The following CBFB variants were observed in gnomAD, a reference collection of about 807,000 sequenced individuals.
CBFB encodes the protein CBF-beta.
In CBFB, 9 loss-of-function variants were observed where a neutral mutation model predicts 30.4. That is an observed-to-expected ratio of 0.30 (90% CI 0.18 to 0.52). The LOEUF is 0.52. Ranked by LOEUF, CBFB falls within the 20% of genes least tolerant of loss-of-function variation. The pLI is 0.97. For missense variants in CBFB, 170 were observed against 244.0 expected (o/e 0.70, Z 2.02); for synonymous variants, 94 against 84.0 (o/e 1.12, Z -0.65).
At chr16:67,075,226 TGTG>T (rs1961359174) in intron 4 of CBFB, among the ~76,000 whole-genome samples, 1 of 149,530 alleles carries the variant, frequency 6.7e-6, no homozygotes, top group South Asian at 2.1e-4. Flanking sequence ...TGTGTGTGTG[TGTG>T]TGTGTAAAGA....
chr16:67,089,741 T>C (rs989193565), intron 5 of CBFB, among the ~76,000 whole-genome samples: 1 of 152,164 alleles, frequency 6.6e-6, no homozygotes, highest in Non-Finnish European at 1.5e-5. Context: ...CTGGATGTAG[T>C]GGAATGAGCA....
chr16:67,086,444 T>C (rs113274619), intron 5 of CBFB, among the ~76,000 whole-genome samples: 1 of 152,358 alleles, frequency 6.6e-6, no homozygotes, highest in African/African-American at 2.4e-5. Context: ...GAAACAATTA[T>C]AAACATTTGT....
At chr16:67,095,561 C>T (rs1962023184) in intron 5 of CBFB, among the ~76,000 whole-genome samples, 2 of 152,082 alleles carry the variant, frequency 1.3e-5, no homozygotes, top group African/African-American at 2.4e-5. Context: ...CATAGGAAAA[C>T]TGTTGCTACT....
intron 5 of CBFB, among the ~76,000 whole-genome samples, chr16:67,088,344 C>T (rs1335407806): frequency 6.6e-6 from 1 of 152,148 alleles, no homozygotes; most frequent in Non-Finnish European, 1.5e-5. Context: ...GTTGTTTCCC[C>T]TCTGTGATTC....
rs920619801 is a variant in CBFB, at chr16:67,029,868, G to A, written c.165+55G>A. 4.4e-5 allele frequency: 57 copies of A among 1,303,944 alleles called. No homozygotes were observed. The African/African-American group carries it at 5.7e-4, about 13-fold the overall frequency. The allele number at this position is 1,303,944 out of a possible 1,614,324, so 80.8% of individuals were successfully genotyped here. On this transcript the variant is annotated intron_variant, in intron 2 of 5. Transcript: ENST00000412916. Reference sequence around the variant, plus strand: ...GTCACTTGTTGCGCGGGGCCGCGGCGGCCCAGGCCGGTTCCGGACGGCGGC... The same window carrying A: ...GTCACTTGTTGCGCGGGGCCGCGGCAGCCCAGGCCGGTTCCGGACGGCGGC...
At chr16:67,074,173 C>A (rs1249722848) in intron 4 of CBFB, among the ~76,000 whole-genome samples, 1 of 142,608 alleles carries the variant, frequency 7.0e-6, no homozygotes, top group Non-Finnish European at 1.5e-5. Flanking sequence ...GTCAGTACAC[C>A]ATCAGTTACA....
At chr16:67,052,487 G>A (rs115155781) in intron 3 of CBFB, among the ~76,000 whole-genome samples, 7,333 of 151,918 alleles carry the variant, frequency 0.048, 518 homozygotes, top group African/African-American at 0.15. Flanking sequence ...GAAGTGGGAG[G>A]TTTGCTTGAG....
In CBFB at chr16:67,092,698, CTTTTTTTTTTTTTTTTTTT is replaced by C. The variant is rs777213321; in HGVS notation, c.496-5998_496-5980del. 7.5e-4 allele frequency among the ~76,000 whole-genome samples: 25 copies of C among 33,532 alleles called. 1 individual carries two copies. The highest frequency in any genetic ancestry group is 3.7e-3 in the East Asian group (3 of 818). The allele number at this position is 33,532 out of a possible 152,430, so 22.0% of individuals were successfully genotyped here. Reference sequence around the variant, plus strand: ...CCAGGCTAGGTTACAGTGGTGCAATCTTTTTTTTTTTTTTTTTTTTTTTTTTTTTTTTGAGATAAAGTTT... The same window carrying C: ...CCAGGCTAGGTTACAGTGGTGCAATCTTTTTTTTTTTTTGAGATAAAGTTT... On this transcript the variant is annotated intron_variant, in intron 5 of 5. Transcript: ENST00000412916.
rs1010880095 is a variant in CBFB at position 67,100,026 on chromosome 16, G to T, written c.*1248G>T. 1 of 209,798 alleles carries T rather than the reference G, an allele frequency of 4.8e-6. No homozygotes were observed. The highest frequency in any genetic ancestry group is 1.9e-4 in the South Asian group (1 of 5,326). The allele number at this position is 209,798 out of a possible 1,614,324, so 13.0% of individuals were successfully genotyped here. ...ATAGAACCTTTTGAGATGAATTAAT[G>T]TAAGAATATTTTTTAAATAGGCTTA... On this transcript the variant is annotated 3_prime_UTR_variant, in exon 6 of 6. Coordinates refer to ENST00000412916, the MANE Select transcript of CBFB (RefSeq NM_022845.3).
chr16:67,084,805 A>G (rs1278348254), intron 5 of CBFB, among the ~76,000 whole-genome samples: 1 of 151,596 alleles, frequency 6.6e-6, no homozygotes, highest in Non-Finnish European at 1.5e-5. Context: ...ACAGTGGCTA[A>G]GAGCCCAGAC....
chr16:67,088,529 C>T (rs551386127), intron 5 of CBFB, among the ~76,000 whole-genome samples: 5 of 152,234 alleles, frequency 3.3e-5, no homozygotes, highest in African/African-American at 1.2e-4. Context: ...TACAGCTTAG[C>T]GCTGGGAAAT....
chr16:67,100,676 T>C lies in CBFB; in HGVS notation c.*1898T>C, dbSNP rs900372060. The stretch of plus-strand genomic sequence containing the variant: ...CATGATGATGGTACATTTTCCTCTA[T>C]TGTCTAGCTAAGGGCTTTCGGTCCA... On this transcript the variant is annotated 3_prime_UTR_variant, in exon 6 of 6. Transcript: ENST00000412916. The C allele has an allele frequency of 4.6e-6, 1 of 219,600 alleles. No homozygotes were observed. The highest frequency in any genetic ancestry group is 6.8e-5 in the East Asian group (1 of 14,802). 13.6% of individuals were successfully genotyped at this position (219,600 alleles called of 1,614,324 possible).
intron 5 of CBFB, among the ~76,000 whole-genome samples, chr16:67,086,846 T>C (rs1447836043): frequency 6.6e-6 from 1 of 152,154 alleles, no homozygotes; most frequent in Non-Finnish European, 1.5e-5. Context: ...CATTGCAGTG[T>C]ACTTTAGCAA....
chr16:67,075,235 AAAG>A (rs958547579), intron 4 of CBFB, among the ~76,000 whole-genome samples: 3 of 114,256 alleles, frequency 2.6e-5, no homozygotes, highest in African/African-American at 5.6e-5. Context: ...GTGTGTGTGT[AAAG>A]AACTCTTACA....
chr16:67,069,381 AAG>A lies in CBFB; in HGVS notation c.399+2585_399+2586del. The stretch of plus-strand genomic sequence containing the variant: ...CAAGACTTCATCTCAAAAAAAAAAA[AAG>A]AAATTCTGGAGTTGGAAAGTACAGT... On this transcript the variant is annotated intron_variant, in intron 4 of 5. Transcript: ENST00000412916. 2.0e-5 allele frequency among the ~76,000 whole-genome samples: 3 copies of A among 152,200 alleles called. No homozygotes were observed. The South Asian group carries it at 6.2e-4, about 32-fold the overall frequency.
At chr16:67,082,826 T>C (rs1298126887) in intron 5 of CBFB, among the ~76,000 whole-genome samples, 1 of 152,166 alleles carries the variant, frequency 6.6e-6, no homozygotes, top group East Asian at 1.9e-4. Flanking sequence ...CTTTCTATTG[T>C]AAAATACAGA....
At chr16:67,052,307 T>A (rs1960577719) in intron 3 of CBFB, among the ~76,000 whole-genome samples, 1 of 152,204 alleles carries the variant, frequency 6.6e-6, no homozygotes, top group Admixed American at 6.6e-5. Context: ...CAGTTACTCA[T>A]GCCTGTAATC....
At chr16:67,059,491 T>C (rs1015607518) in intron 3 of CBFB, among the ~76,000 whole-genome samples, 2 of 152,208 alleles carry the variant, frequency 1.3e-5, no homozygotes, top group African/African-American at 4.8e-5. Flanking sequence ...AAAATGCACA[T>C]GGGCTCAAAC....
chr16:67,037,253 T>C (rs899248780), intron 3 of CBFB, among the ~76,000 whole-genome samples: 1 of 152,220 alleles, frequency 6.6e-6, no homozygotes, highest in South Asian at 2.1e-4. Flanking sequence ...CCTAATTTCA[T>C]GTACATAATA....
Sources: gnomAD v4.1 joint callset for allele counts (sites outside exome capture counted in the v4.1 genomes callset) on GRCh38, gnomAD v4.1.1 for gene constraint, MANE v1.5 for transcripts, NCBI Gene and HGNC (gene_info 2026-07-23, HGNC 2026-07-21) for gene names.